The following PCDH11X variants were observed in gnomAD, a reference collection of about 807,000 sequenced individuals.
PCDH11X encodes the protein protocadherin-11 X-linked.
PCDH11X carries 18 observed loss-of-function variants against 53.3 expected under a neutral mutation model. That is an observed-to-expected ratio of 0.34 (90% confidence interval 0.23 to 0.50). The LOEUF is 0.50. Ranked by LOEUF, PCDH11X falls within the 20% of genes least tolerant of loss-of-function variation. PCDH11X has a pLI of 0.98. For synonymous variants in PCDH11X, 279 were observed against 393.3 expected, an observed-to-expected ratio of 0.71 and a Z score of 3.44; for missense variants, 570 against 1,032.4, an observed-to-expected ratio of 0.55 and a Z score of 6.14.
At chrX:92,032,572 A>C (rs1432164524) in intron 6 of PCDH11X, among the ~76,000 whole-genome samples, 1 of 111,225 alleles carries the variant, frequency 9.0e-6, no homozygotes, top group Non-Finnish European at 1.9e-5. Context: ...TGTTGGAGGA[A>C]AGGCTTTCAG....
intron 8 of PCDH11X, among the ~76,000 whole-genome samples, chrX:92,364,225 G>A (rs2755027): frequency 9.1e-6 from 1 of 110,427 alleles, no homozygotes; most frequent in South Asian, 3.8e-4. Context: ...GGGATTTTGT[G>A]ACTGTGCAAA....
chrX:92,083,092 G>A (rs2063889410), intron 6 of PCDH11X, among the ~76,000 whole-genome samples: 2 of 111,293 alleles, frequency 1.8e-5, no homozygotes, highest in Non-Finnish European at 3.8e-5. Context: ...TTAACACTGT[G>A]AATCATCACA....
chrX:92,073,225 T>C (rs971840915), intron 6 of PCDH11X, among the ~76,000 whole-genome samples: 4 of 111,969 alleles, frequency 3.6e-5, no homozygotes, highest in Non-Finnish European at 7.5e-5. Context: ...CCCTCCTCAA[T>C]GCTTCTTTCC....
intron 10 of PCDH11X, among the ~76,000 whole-genome samples, chrX:92,545,488 G>A (rs1347327127): frequency 2.0e-5 from 2 of 98,077 alleles, no homozygotes; most frequent in Non-Finnish European, 4.0e-5. Flanking sequence ...TGTAAGCTCC[G>A]CTTCCCGGGT....
intron 6 of PCDH11X, among the ~76,000 whole-genome samples, chrX:92,100,878 G>T (rs973034160): frequency 9.9e-5 from 11 of 110,718 alleles, no homozygotes; most frequent in African/African-American, 3.6e-4. Context: ...GTGGTAAGGG[G>T]TGATATTGTT....
chrX:91,815,507 C>G (rs1460464834), intron 4 of PCDH11X, among the ~76,000 whole-genome samples: 1 of 111,185 alleles, frequency 9.0e-6, no homozygotes, highest in African/African-American at 3.3e-5. Flanking sequence ...ACTAGAAAAT[C>G]AAACCGAAAG....
Position 92,265,584 on chromosome X carries a change from T to C in PCDH11X, c.3144+2441T>C, listed in dbSNP as rs767958397. On this transcript the variant is annotated intron_variant, in intron 8 of 10. Coordinates refer to ENST00000682573, the MANE Select transcript of PCDH11X (RefSeq NM_032968.5). ...GCATGTGTGTATACATATACATATA[T>C]GTGTGTATGTATATAGGTATGCGTA... Among the ~76,000 whole-genome samples, 225 of 112,265 alleles carry C rather than the reference T, an allele frequency of 2.0e-3. 1 individual carries two copies. Among genetic ancestry groups the C allele is most frequent in the African/African-American group, 6.9e-3 (214 of 30,929 alleles).
intron 6 of PCDH11X, among the ~76,000 whole-genome samples, chrX:91,925,699 T>C (rs1007315349): frequency 9.0e-6 from 1 of 111,004 alleles, no homozygotes; most frequent in African/African-American, 3.3e-5. Context: ...ATTTGAATTT[T>C]ATCATCATGT....
chrX:92,269,803 C>T (rs992629662), intron 8 of PCDH11X, among the ~76,000 whole-genome samples: 2 of 111,449 alleles, frequency 1.8e-5, no homozygotes, highest in African/African-American at 3.3e-5. Context: ...CTCATCTCCC[C>T]GCTATTAACT....
At chrX:92,070,841 C>G (rs372792781) in intron 6 of PCDH11X, among the ~76,000 whole-genome samples, 2 of 111,267 alleles carry the variant, frequency 1.8e-5, no homozygotes, top group East Asian at 5.6e-4. Flanking sequence ...GCTCTGTTGC[C>G]CAGGCTGGAG....
chrX:92,169,789 A>C (rs2065792815), intron 6 of PCDH11X, among the ~76,000 whole-genome samples: 1 of 110,952 alleles, frequency 9.0e-6, no homozygotes, highest in African/African-American at 3.3e-5. Flanking sequence ...TTTGTGCATA[A>C]CAAATACTCA....
At chrX:92,461,691 A>G (rs2073048957) in intron 9 of PCDH11X, among the ~76,000 whole-genome samples, 1 of 111,355 alleles carries the variant, frequency 9.0e-6, no homozygotes, top group African/African-American at 3.3e-5. Context: ...AAGCAATCAA[A>G]CCAAAAAATG....
intron 8 of PCDH11X, among the ~76,000 whole-genome samples, chrX:92,356,821 T>G (rs2070220575): frequency 9.5e-6 from 1 of 105,698 alleles, no homozygotes; most frequent in African/African-American, 3.5e-5. Flanking sequence ...CCATAGTTAT[T>G]TACTTAAAGT....
intron 9 of PCDH11X, among the ~76,000 whole-genome samples, chrX:92,451,116 A>T (rs373069430): frequency 0.025 from 2,784 of 109,929 alleles, 59 homozygotes; most frequent in African/African-American, 0.07. Flanking sequence ...TACAAATCTA[A>T]ACTTAATTTT....
intron 6 of PCDH11X, among the ~76,000 whole-genome samples, chrX:91,993,795 C>T (rs1308145641): frequency 1.8e-5 from 2 of 111,515 alleles, no homozygotes; most frequent in Non-Finnish European, 3.8e-5. Flanking sequence ...CTGTTAGGGT[C>T]TTCTTCCCTT....
chrX:92,580,235 C>T (rs1215103442), intron 10 of PCDH11X, among the ~76,000 whole-genome samples: 2 of 107,730 alleles, frequency 1.9e-5, no homozygotes, highest in African/African-American at 3.6e-5. Flanking sequence ...ATCAGGGACT[C>T]ACTCAACAAA....
At position 91,877,430 on chromosome X, in the gene PCDH11X, C is replaced by T. The variant is rs763064122; in HGVS notation, c.1190C>T (p.Thr397Ile). 1 of 1,207,840 alleles carries T rather than the reference C, an allele frequency of 8.3e-7. No individual in the cohort carries two copies. ...GATGCGGACCATAATGGCAGGGTGA[C>T]ATGCTTCACAGATCATGAAATCCCT... The part of the protein sequence containing the change: ...DKDADHNGRV[T>I]CFTDHEIPFR... The change falls in exon 6 of 11, where the codon ACA becomes ATA. Residue 397 changes from threonine (T) to isoleucine (I), a missense_variant. Coordinates refer to ENST00000682573, the MANE Select transcript of PCDH11X (RefSeq NM_032968.5).
At chrX:92,170,228 C>A (rs1036477936) in intron 6 of PCDH11X, among the ~76,000 whole-genome samples, 3 of 110,619 alleles carry the variant, frequency 2.7e-5, no homozygotes, top group African/African-American at 9.8e-5. Flanking sequence ...ATTTCACTAT[C>A]TTCTCTCACT....
At chrX:91,824,670 C>G (rs1002656810) in intron 4 of PCDH11X, among the ~76,000 whole-genome samples, 1 of 104,238 alleles carries the variant, frequency 9.6e-6, no homozygotes, top group African/African-American at 4.1e-5. Context: ...CATCTTCTCT[C>G]AGCTCGTCAA....
Sources: allele counts gnomAD v4.1 joint callset (sites outside exome capture counted in the v4.1 genomes callset), GRCh38; gene constraint gnomAD v4.1.1; transcripts MANE v1.5; gene names NCBI Gene and HGNC (gene_info 2026-07-23, HGNC 2026-07-21).